The following PPM1H variants were observed in gnomAD, a reference collection of about 807,000 sequenced individuals.
The protein encoded by PPM1H is protein phosphatase, Mg2+/Mn2+ dependent 1H, also known as protein phosphatase 1H.
Under a neutral mutation model 54.9 loss-of-function variants are expected in PPM1H, and 27 were observed. The observed-to-expected ratio is 0.49, with a 90% CI of 0.36 to 0.68. PPM1H has a LOEUF of 0.68. Among genes scored for constraint, PPM1H ranks in the 30% least tolerant of loss-of-function variants. PPM1H has a pLI of 0.00. For missense variants in PPM1H, 596 were observed against 667.8 expected (o/e 0.89, Z 1.19); for synonymous variants, 305 against 270.8 (o/e 1.13, Z -1.24).
At chr12:62,923,697 T>C (rs954653207) in intron 1 of PPM1H, among the ~76,000 whole-genome samples, 40 of 152,178 alleles carry the variant, frequency 2.6e-4, no homozygotes, top group African/African-American at 9.2e-4. Flanking sequence ...CCACTGAGCC[T>C]GGCCGAAAAT....
chr12:62,919,647 A>G (rs1288427362), intron 1 of PPM1H, among the ~76,000 whole-genome samples: 1 of 152,160 alleles, frequency 6.6e-6, no homozygotes, highest in Non-Finnish European at 1.5e-5. Flanking sequence ...AATTTTTCAC[A>G]AGGAATTCAT....
At chr12:62,782,975 T>C (rs2076650474) in intron 4 of PPM1H, among the ~76,000 whole-genome samples, 1 of 152,016 alleles carries the variant, frequency 6.6e-6, no homozygotes, top group Non-Finnish European at 1.5e-5. Flanking sequence ...ATTATAGGTG[T>C]GAGCCACTAC....
chr12:62,904,449 A>G (rs910028506), intron 1 of PPM1H, among the ~76,000 whole-genome samples: 4 of 152,168 alleles, frequency 2.6e-5, no homozygotes, highest in African/African-American at 9.7e-5. Flanking sequence ...CATATTGCCC[A>G]GGCTGACCTC....
intron 8 of PPM1H, among the ~76,000 whole-genome samples, chr12:62,677,216 C>T (rs2075992550): frequency 6.6e-6 from 1 of 152,224 alleles, no homozygotes; most frequent in South Asian, 2.1e-4. Context: ...AGCACCTCTT[C>T]ACCTTGCTCA....
intron 4 of PPM1H, among the ~76,000 whole-genome samples, chr12:62,750,644 T>C (rs1232780756): frequency 6.6e-6 from 1 of 152,228 alleles, no homozygotes; most frequent in Admixed American, 6.5e-5. Flanking sequence ...GGAGTGAAAT[T>C]ATTGAGCCAT....
chr12:62,657,405 C>T (rs2075850887), intron 9 of PPM1H, among the ~76,000 whole-genome samples: 2 of 152,186 alleles, frequency 1.3e-5, no homozygotes, highest in Non-Finnish European at 2.9e-5. Flanking sequence ...ACAGCTCTGC[C>T]ACATAAACAC....
chr12:62,869,454 A>G (rs537986624), intron 1 of PPM1H, among the ~76,000 whole-genome samples: 1 of 152,322 alleles, frequency 6.6e-6, no homozygotes, highest in Non-Finnish European at 1.5e-5. Context: ...CCAAGGTCCT[A>G]GAGTAACAGA....
intron 9 of PPM1H, among the ~76,000 whole-genome samples, chr12:62,661,674 G>A (rs1298209844): frequency 2.6e-5 from 4 of 152,202 alleles, no homozygotes; most frequent in African/African-American, 9.7e-5. Context: ...TGGGATTACA[G>A]GTGTGGGCCA....
rs1477650046 is a variant in PPM1H at position 62,663,187 on chromosome 12, C to T, written c.1397+3991G>A. Among the ~76,000 whole-genome samples, 6 of 152,180 alleles carry T rather than the reference C, an allele frequency of 3.9e-5. No individual in the cohort carries two copies. In the South Asian group the frequency reaches 8.3e-4, roughly 21 times the overall value. On this transcript the variant is annotated intron_variant, in intron 9 of 9. Coordinates refer to ENST00000228705, the MANE Select transcript of PPM1H (RefSeq NM_020700.2). ...TTCTGTGAATATCTTCTTGCATGAA[C>T]GACGATGCAAGAGTTCTTCTAGGAG... is the stretch of plus-strand genomic sequence containing the variant.
chr12:62,729,946 C>T (rs999501485), intron 5 of PPM1H, among the ~76,000 whole-genome samples: 1 of 152,070 alleles, frequency 6.6e-6, no homozygotes, highest in African/African-American at 2.4e-5. Flanking sequence ...GACATTTCAC[C>T]ACAAAAGAAG....
At chr12:62,728,021 T>G (rs2076299417) in intron 5 of PPM1H, among the ~76,000 whole-genome samples, 1 of 152,184 alleles carries the variant, frequency 6.6e-6, no homozygotes, top group Admixed American at 6.5e-5. Flanking sequence ...GATCTCTTCT[T>G]GTACCTCCAT....
chr12:62,793,046 G>T (rs2076709478), intron 3 of PPM1H, among the ~76,000 whole-genome samples: 1 of 152,056 alleles, frequency 6.6e-6, no homozygotes, highest in South Asian at 2.1e-4. Flanking sequence ...GAAACCACGG[G>T]AAAAACTGCT....
rs1202067441 is a variant in PPM1H, at chr12:62,659,177, C to A, written c.1397+8001G>T. 3 of 694,476 alleles carry A rather than the reference C, an allele frequency of 4.3e-6. No homozygotes were observed. The African/African-American group carries it at 5.5e-5, about 13-fold the overall frequency. 43.0% of individuals were successfully genotyped at this position (694,476 alleles called of 1,614,324 possible). On this transcript the variant is annotated intron_variant, in intron 9 of 9. Transcript: ENST00000228705. The stretch of plus-strand genomic sequence containing the variant: ...TGGAAAGAGCTGCCCAGCTGGCCAT[C>A]AGAGTCACCAACCCCAATGCCAGGC...
chr12:62,729,756 T>A (rs571089422), intron 5 of PPM1H, among the ~76,000 whole-genome samples: 1 of 152,342 alleles, frequency 6.6e-6, no homozygotes, highest in Non-Finnish European at 1.5e-5. Flanking sequence ...GTCTGCGAAA[T>A]TCATCCATGT....
At position 62,841,277 on chromosome 12, in the gene PPM1H, G is replaced by T. The variant is rs145711643; in HGVS notation, c.246-8998C>A. On this transcript the variant is annotated intron_variant, in intron 1 of 9. Transcript: ENST00000228705. ...AGTGGCTGGCAAACTATTGCCCATGGGCCAAAGCTGGACACTGCTTGTTTT... is the reference window on the plus strand; with the variant it reads ...AGTGGCTGGCAAACTATTGCCCATGTGCCAAAGCTGGACACTGCTTGTTTT... Among the ~76,000 whole-genome samples, 197 of 152,154 alleles carry T rather than the reference G, an allele frequency of 1.3e-3. 1 individual carries two copies. Among genetic ancestry groups the T allele is most frequent in the Middle Eastern group, 0.01 (3 of 292 alleles).
intron 1 of PPM1H, among the ~76,000 whole-genome samples, chr12:62,881,785 TCA>T (rs1372766009): frequency 6.6e-6 from 1 of 152,154 alleles, no homozygotes. Flanking sequence ...AGAAACAGGG[TCA>T]ATGCCTTAGT....
chr12:62,739,446 C>A (rs1347532711), intron 4 of PPM1H, among the ~76,000 whole-genome samples: 1 of 152,204 alleles, frequency 6.6e-6, no homozygotes, highest in African/African-American at 2.4e-5. Flanking sequence ...CTTACAGGAT[C>A]TAGAGGGCCC....
At chr12:62,850,605 T>C (rs973118576) in intron 1 of PPM1H, 8 of 149,714 alleles carry the variant, frequency 5.3e-5, no homozygotes, top group African/African-American at 1.2e-4. Context: ...GAAATATTGG[T>C]ATTGACATGT....
chr12:62,647,180 C>CTT lies in PPM1H; in HGVS notation c.*1307_*1308dup, dbSNP rs1472699078. On this transcript the variant is annotated 3_prime_UTR_variant, in exon 10 of 10. Transcript: ENST00000228705. ...ATGCACTGTGCCTGCTGCTGCTGCT[C>CTT]TTGTGGCGAACACTCAGATGTGGAA... 6.6e-6 allele frequency: 1 copy of CTT among 152,238 alleles called. No homozygotes were observed. Among genetic ancestry groups the CTT allele is most frequent in the African/African-American group, 2.4e-5 (1 of 41,444 alleles). The allele number at this position is 152,238 out of a possible 1,614,324, so 9.4% of individuals were successfully genotyped here. A position where few individuals can be genotyped will look rare whatever the true frequency, so the allele number is the denominator to read the frequency against.
Sources: gnomAD v4.1 joint callset for allele counts (sites outside exome capture counted in the v4.1 genomes callset) on GRCh38, gnomAD v4.1.1 for gene constraint, MANE v1.5 for transcripts, NCBI Gene and HGNC (gene_info 2026-07-23, HGNC 2026-07-21) for gene names.